Variants in KCNH1 observed in about 807,000 individuals in gnomAD.
The protein encoded by KCNH1 is voltage-gated delayed rectifier potassium channel KCNH1.
Under a neutral mutation model 69.2 loss-of-function variants are expected in KCNH1, and 27 were observed. That is an observed-to-expected ratio of 0.39 (90% CI 0.29 to 0.54). The LOEUF (loss-of-function observed/expected upper bound fraction) is 0.54, where lower values mean the gene tolerates loss of function less well. KCNH1 is among the 20% of genes least tolerant of loss of function. The pLI, the probability that KCNH1 is intolerant of heterozygous loss-of-function variation, is 0.68. For missense variants in KCNH1, 798 were observed against 1,261.6 expected, an observed-to-expected ratio of 0.63 and a Z score of 5.57; for synonymous variants, 456 against 487.7, an observed-to-expected ratio of 0.93 and a Z score of 0.86.
intron 10 of KCNH1, among the ~76,000 whole-genome samples, chr1:210,775,147 G>A (rs754065460): frequency 2.5e-4 from 38 of 152,166 alleles, no homozygotes; most frequent in African/African-American, 4.6e-4. Flanking sequence ...GCACCAAAAC[G>A]GATCCATCTT....
At chr1:211,042,868 A>T (rs1041626898) in intron 5 of KCNH1, among the ~76,000 whole-genome samples, 1 of 152,238 alleles carries the variant, frequency 6.6e-6, no homozygotes, top group East Asian at 1.9e-4. Context: ...CTCCTGAATA[A>T]TCATTGCGTC....
chr1:211,022,297 CT>C (rs1338242547), intron 5 of KCNH1, among the ~76,000 whole-genome samples: 1 of 152,150 alleles, frequency 6.6e-6, no homozygotes, highest in Non-Finnish European at 1.5e-5. Context: ...AATTAGACCC[CT>C]ATCTCTTCTC....
In KCNH1 at chr1:211,035,236, C is replaced by CTTTTTT. The variant is rs765170558; in HGVS notation, c.559-15986_559-15981dup. ...ATTTAAACCATAGGGTACTGGCATT[C>CTTTTTT]TTTTTTTTTTTTTTTTTTTTTTTTT... On this transcript the variant is annotated intron_variant, in intron 5 of 10. Coordinates refer to ENST00000271751, the MANE Select transcript of KCNH1 (RefSeq NM_172362.3). 8.7e-4 allele frequency among the ~76,000 whole-genome samples: 65 copies of CTTTTTT among 75,054 alleles called. 1 individual carries two copies. Among genetic ancestry groups the CTTTTTT allele is most frequent in the African/African-American group, 2.0e-3 (35 of 17,682 alleles). The allele number at this position is 75,054 out of a possible 152,430, so 49.2% of individuals were successfully genotyped here.
intron 6 of KCNH1, among the ~76,000 whole-genome samples, chr1:210,933,270 A>T (rs1574346426): frequency 6.6e-6 from 1 of 151,912 alleles, no homozygotes; most frequent in Non-Finnish European, 1.5e-5. Context: ...AGAACAAAAA[A>T]CCAAACACCA....
At chr1:211,116,994 C>A (rs951252213) in intron 1 of KCNH1, among the ~76,000 whole-genome samples, 8 of 152,178 alleles carry the variant, frequency 5.3e-5, no homozygotes, top group African/African-American at 1.9e-4. Flanking sequence ...TGGGCTCCAG[C>A]ACATTAATAA....
intron 6 of KCNH1, among the ~76,000 whole-genome samples, chr1:210,974,464 G>A (rs1399768229): frequency 6.6e-6 from 1 of 151,584 alleles, no homozygotes; most frequent in Non-Finnish European, 1.5e-5. Context: ...TTGCTAATAA[G>A]AATATTGGCT....
At chr1:210,749,900 G>C (rs1337174848) in intron 10 of KCNH1, among the ~76,000 whole-genome samples, 2 of 152,070 alleles carry the variant, frequency 1.3e-5, no homozygotes, top group Admixed American at 1.3e-4. Context: ...ACACCACCAT[G>C]CCTGGCTAAT....
At chr1:210,944,940 T>A (rs1444497283) in intron 6 of KCNH1, among the ~76,000 whole-genome samples, 1 of 152,168 alleles carries the variant, frequency 6.6e-6, no homozygotes, top group Non-Finnish European at 1.5e-5. Flanking sequence ...CAGCTCCTGA[T>A]AACCTCCAAT....
intron 6 of KCNH1, among the ~76,000 whole-genome samples, chr1:210,971,416 T>G (rs1037087907): frequency 6.6e-6 from 1 of 152,212 alleles, no homozygotes; most frequent in African/African-American, 2.4e-5. Context: ...TTTTGAAAGC[T>G]GGTTGCTAAA....
rs115858908 is a variant in KCNH1, at chr1:210,851,901, T to A, written c.1463-47735A>T. On this transcript the variant is annotated intron_variant, in intron 7 of 10. Transcript: ENST00000271751. ...AATGTTATGTGGCACATGACTGTAT[T>A]TACTGAGTCCCTGCCTACTACATGC... is the stretch of plus-strand genomic sequence containing the variant. 5.7e-3 allele frequency among the ~76,000 whole-genome samples: 869 copies of A among 152,338 alleles called. 1 individual carries two copies. The highest frequency in any genetic ancestry group is 0.019 in the African/African-American group (810 of 41,578).
intron 7 of KCNH1, among the ~76,000 whole-genome samples, chr1:210,892,762 G>A (rs1247396366): frequency 6.6e-6 from 1 of 152,174 alleles, no homozygotes; most frequent in Non-Finnish European, 1.5e-5. Flanking sequence ...GCCTCAAGAA[G>A]TGTTCCCAGG....
chr1:210,779,055 A>C (rs1683921722), intron 9 of KCNH1, among the ~76,000 whole-genome samples: 1 of 152,382 alleles, frequency 6.6e-6, no homozygotes, highest in South Asian at 2.1e-4. Flanking sequence ...GAAATAAATA[A>C]GTGCATCTGT....
At chr1:210,983,959 T>G (rs1688769521) in intron 6 of KCNH1, among the ~76,000 whole-genome samples, 1 of 152,196 alleles carries the variant, frequency 6.6e-6, no homozygotes, top group South Asian at 2.1e-4. Context: ...GAGCAGTGGT[T>G]TGTAATTGTC....
intron 5 of KCNH1, among the ~76,000 whole-genome samples, chr1:211,068,408 T>C (rs1690572956): frequency 6.6e-6 from 1 of 152,204 alleles, no homozygotes. Context: ...TTTTTGTTTT[T>C]TTTTTGAGAC....
chr1:210,840,480 C>A (rs995294579), intron 7 of KCNH1, among the ~76,000 whole-genome samples: 1 of 152,094 alleles, frequency 6.6e-6, no homozygotes, highest in Non-Finnish European at 1.5e-5. Context: ...TACATGCCTG[C>A]GGCAGGCAGG....
Position 210,972,293 on chromosome 1 carries a change from C to G in KCNH1, c.1032+46490G>C, listed in dbSNP as rs552664515. On this transcript the variant is annotated intron_variant, in intron 6 of 10. Transcript: ENST00000271751. ...AGCACCTAAAAGGCTGCCTCCCATT[C>G]TGGTTTCTAAGACTTGCAGACTAGA... 8.7e-4 allele frequency among the ~76,000 whole-genome samples: 133 copies of G among 152,190 alleles called. 1 individual carries two copies. Among genetic ancestry groups the G allele is most frequent in the African/African-American group, 3.1e-3 (128 of 41,542 alleles).
chr1:210,869,192 C>G (rs1686181237), intron 7 of KCNH1, among the ~76,000 whole-genome samples: 1 of 152,072 alleles, frequency 6.6e-6, no homozygotes, highest in Non-Finnish European at 1.5e-5. Flanking sequence ...AAAATTTTCT[C>G]TTTATCAATT....
chr1:211,107,332 A>G lies in KCNH1; in HGVS notation c.125T>C (p.Ile42Thr), dbSNP rs772076205. 6.2e-7 allele frequency: 1 copy of G among 1,613,668 alleles called. No individual in the cohort carries two copies. Among genetic ancestry groups the G allele is most frequent in the African/African-American group, 1.3e-5 (1 of 74,846 alleles). ...GCAAAATCCATCATTGCTGTACACA[A>G]TAGGCCAGTCCACTATCTGAGCATT... ...LGNAQIVDWP[I>T]VYSNDGFCKL... is the part of the protein sequence containing the mutation. Residue 42 changes from isoleucine (I) to threonine (T), a missense_variant, in exon 2 of 11, where the codon ATT becomes ACT. Transcript: ENST00000271751.
chr1:210,897,816 G>C (rs1394213413), intron 7 of KCNH1, among the ~76,000 whole-genome samples: 1 of 152,142 alleles, frequency 6.6e-6, no homozygotes, highest in Admixed American at 6.5e-5. Context: ...ACTTTTAAAG[G>C]GTATGGTACA....
Sources: allele counts gnomAD v4.1 joint callset (sites outside exome capture counted in the v4.1 genomes callset), GRCh38; gene constraint gnomAD v4.1.1; transcripts MANE v1.5; gene names NCBI Gene and HGNC (gene_info 2026-07-23, HGNC 2026-07-21).